GPR139: variants seen among roughly 807,000 people sequenced by gnomAD.
The protein encoded by GPR139 is probable G protein-coupled receptor 139.
In GPR139, 12 loss-of-function variants were observed where a neutral mutation model predicts 25.8. The observed-to-expected ratio is 0.47, with a 90% CI of 0.30 to 0.75. GPR139 has a LOEUF of 0.75. GPR139 is among the 30% of genes least tolerant of loss of function. The pLI, the probability that GPR139 is intolerant of heterozygous loss-of-function variation, is 0.07. For missense variants in GPR139, 380 were observed against 450.2 expected (o/e 0.84, Z 1.41); for synonymous variants, 184 against 179.9 (o/e 1.02, Z -0.18).
In GPR139 at chr16:20,032,590, G is replaced by A. The variant is rs751219356; in HGVS notation, c.207C>T (p.Leu69=). The A allele has an allele frequency of 6.8e-6, 11 of 1,614,038 alleles. No homozygotes were observed. Among genetic ancestry groups the A allele is most frequent in the Middle Eastern group, 3.3e-4 (2 of 6,060 alleles). Residue 69 remains leucine (L), a synonymous_variant, in exon 2 of 2, where the codon CTC becomes CTT. Coordinates refer to ENST00000570682, the MANE Select transcript of GPR139 (RefSeq NM_001002911.4). Reference sequence around the variant, plus strand: ...AGAGGACCAAGATGTCGGCAGCAGCGAGTGCCAAGAGATAGTTGTAGGAGG... The same window carrying A: ...AGAGGACCAAGATGTCGGCAGCAGCAAGTGCCAAGAGATAGTTGTAGGAGG... The part of the protein sequence containing the change: ...QKSSYNYLLA[L]AAADILVLFF...
intron 1 of GPR139, among the ~76,000 whole-genome samples, chr16:20,051,556 C>T (rs761445490): frequency 1.2e-4 from 18 of 152,246 alleles, no homozygotes; most frequent in East Asian, 3.9e-4. Context: ...CCAGGGGCCT[C>T]GGGAAGCAAT....
chr16:20,054,413 GTT>G (rs10581558), intron 1 of GPR139, among the ~76,000 whole-genome samples: 104,729 of 151,054 alleles, frequency 0.69, 36,477 homozygotes, highest in East Asian at 0.96. Flanking sequence ...GTTCTTATCA[GTT>G]TTTTTTTTTC....
At chr16:20,068,883 AT>A (rs58603103) in intron 1 of GPR139, among the ~76,000 whole-genome samples, 21,592 of 146,330 alleles carry the variant, frequency 0.15, 1,601 homozygotes, top group East Asian at 0.26. Context: ...ATGCCTTAAA[AT>A]TTTTTTTTTT....
At chr16:20,064,428 G>A (rs756532400) in intron 1 of GPR139, among the ~76,000 whole-genome samples, 4 of 152,078 alleles carry the variant, frequency 2.6e-5, no homozygotes, top group South Asian at 2.1e-4. Context: ...CCAGCTACTC[G>A]GGAGGCTGAG....
At chr16:20,072,112 A>G (rs369190318) in intron 1 of GPR139, among the ~76,000 whole-genome samples, 2 of 152,164 alleles carry the variant, frequency 1.3e-5, no homozygotes, top group South Asian at 4.1e-4. Flanking sequence ...AGCTCAAGGT[A>G]ATTACAGGAC....
intron 1 of GPR139, among the ~76,000 whole-genome samples, chr16:20,033,861 C>T (rs1417382332): frequency 6.6e-6 from 1 of 151,618 alleles, no homozygotes; most frequent in Non-Finnish European, 1.5e-5. Flanking sequence ...AAGTAATTGG[C>T]AAAAACTGCA....
intron 1 of GPR139, among the ~76,000 whole-genome samples, chr16:20,048,028 T>G (rs1052492069): frequency 3.3e-5 from 5 of 152,322 alleles, no homozygotes; most frequent in African/African-American, 1.2e-4. Flanking sequence ...TGCTGATTAT[T>G]ATTAATATAT....
At position 20,061,569 on chromosome 16, in the gene GPR139, C is replaced by T. The variant is rs137943699; in HGVS notation, c.127+11921G>A. Among the ~76,000 whole-genome samples, 57 of 152,364 alleles carry T rather than the reference C, an allele frequency of 3.7e-4. 1 individual carries two copies. In the East Asian group the frequency reaches 0.01, roughly 28 times the overall value. Reference sequence around the variant, plus strand: ...TTTGCCATGGGGCAAAATGAAAGCACACATTTGAGGTTAAAATTCCTAGCT... The same window carrying T: ...TTTGCCATGGGGCAAAATGAAAGCATACATTTGAGGTTAAAATTCCTAGCT... On this transcript the variant is annotated intron_variant, in intron 1 of 1. Transcript: ENST00000570682.
At chr16:20,068,560 C>T (rs755607668) in intron 1 of GPR139, among the ~76,000 whole-genome samples, 1 of 152,012 alleles carries the variant, frequency 6.6e-6, no homozygotes, top group African/African-American at 2.4e-5. Flanking sequence ...ATCTGTGAAC[C>T]GAAACTACTG....
intron 1 of GPR139, among the ~76,000 whole-genome samples, chr16:20,069,508 T>C (rs566428525): frequency 5.6e-4 from 86 of 152,320 alleles, no homozygotes; most frequent in African/African-American, 2.0e-3. Flanking sequence ...GTCAGGCTTA[T>C]TTACTATCTG....
chr16:20,042,730 GTTTTTC>G (rs1407200203), intron 1 of GPR139, among the ~76,000 whole-genome samples: 1 of 151,776 alleles, frequency 6.6e-6, no homozygotes, highest in African/African-American at 2.4e-5. Flanking sequence ...TCTTTTTGGT[GTTTTTC>G]TTTTTCTTTT....
rs1320609657 is a variant in GPR139, at chr16:20,041,293, TC to T, written c.128-8625del. ...GCATCTCTCTCTGACAAAGTTGCCA[TC>T]TTTTGCATCAGAAAAGTCAGCGCTT... On this transcript the variant is annotated intron_variant, in intron 1 of 1. Transcript: ENST00000570682. Among the ~76,000 whole-genome samples, 4 of 143,674 alleles carry T rather than the reference TC, an allele frequency of 2.8e-5. 1 individual carries two copies. The highest frequency in any genetic ancestry group is 1.0e-4 in the African/African-American group (4 of 38,606). The allele number at this position is 143,674 out of a possible 152,430, so 94.3% of individuals were successfully genotyped here.
intron 1 of GPR139, among the ~76,000 whole-genome samples, chr16:20,058,884 T>G (rs976417097): frequency 3.3e-5 from 5 of 152,230 alleles, no homozygotes; most frequent in African/African-American, 1.2e-4. Flanking sequence ...CTGCTACGAC[T>G]GGGAGGATCA....
At chr16:20,070,873 G>T in intron 1 of GPR139, 1 of 843,670 alleles carries the variant, frequency 1.2e-6, no homozygotes, top group Non-Finnish European at 1.4e-6. Flanking sequence ...GAAGGGAGGT[G>T]ATGGGTGGGG....
intron 1 of GPR139, among the ~76,000 whole-genome samples, chr16:20,048,889 C>T (rs1925499): frequency 0.035 from 5,371 of 152,248 alleles, 312 homozygotes; most frequent in African/African-American, 0.12. Flanking sequence ...GGAGCCATTG[C>T]CTGAACGTGC....
chr16:20,031,996 G>C lies in GPR139; in HGVS notation c.801C>G (p.Ser267=), dbSNP rs764200611. The C allele has an allele frequency of 1.9e-6, 3 of 1,614,180 alleles. No homozygotes were observed. The highest frequency in any genetic ancestry group is 2.2e-5 in the East Asian group (1 of 44,882). ...IQNRWLVHIM[S]DIANMLALLN... ...GAAGGGCTAGCATGTTGGCAATGTCGGACATGATGTGTACCAGCCAGCGGT... is the reference window on the plus strand; with the variant it reads ...GAAGGGCTAGCATGTTGGCAATGTCCGACATGATGTGTACCAGCCAGCGGT... The change falls in exon 2 of 2, where the codon TCC becomes TCG. Residue 267 remains serine (S), a synonymous_variant. Coordinates refer to ENST00000570682, the MANE Select transcript of GPR139 (RefSeq NM_001002911.4).
At chr16:20,042,379 C>T (rs540969504) in intron 1 of GPR139, among the ~76,000 whole-genome samples, 2 of 152,242 alleles carry the variant, frequency 1.3e-5, no homozygotes, top group East Asian at 1.9e-4. Flanking sequence ...CAAGGAATCC[C>T]AGCAAAGATT....
In GPR139 at chr16:20,032,572, C is replaced by G. The variant is rs2057294749; in HGVS notation, c.225G>C (p.Leu75Phe). ...CCACAAACACTATGAAAAAGAGGAC[C>G]AAGATGTCGGCAGCAGCGAGTGCCA... ...YLLALAAADILVLFFIVFVDF... is the reference protein window; with the variant it reads ...YLLALAAADIFVLFFIVFVDF... The change falls in exon 2 of 2, where the codon TTG becomes TTC. Residue 75 changes from leucine (L) to phenylalanine (F), a missense_variant. Transcript: ENST00000570682. 1 of 1,613,922 alleles carries G rather than the reference C, an allele frequency of 6.2e-7. No individual in the cohort carries two copies. Among genetic ancestry groups the G allele is most frequent in the Non-Finnish European group, 8.5e-7 (1 of 1,179,974 alleles).
At chr16:20,033,225 A>G (rs899536043) in intron 1 of GPR139, among the ~76,000 whole-genome samples, 2 of 147,176 alleles carry the variant, frequency 1.4e-5, no homozygotes, top group Non-Finnish European at 3.0e-5. Context: ...TCTTCACACA[A>G]CCGTGAGAGG....
Sources: allele counts gnomAD v4.1 joint callset (sites outside exome capture counted in the v4.1 genomes callset), GRCh38; gene constraint gnomAD v4.1.1; transcripts MANE v1.5; gene names NCBI Gene and HGNC (gene_info 2026-07-23, HGNC 2026-07-21).